GRIK5: variants seen among roughly 807,000 people sequenced by gnomAD.
GRIK5 encodes glutamate receptor ionotropic, kainate 5.
Under a neutral mutation model 97.4 loss-of-function variants are expected in GRIK5, and 43 were observed. The ratio of observed to expected loss-of-function variants is 0.44; its 90% CI spans 0.35 to 0.57. The LOEUF is 0.57. Ranked by LOEUF, GRIK5 falls within the 20% of genes least tolerant of loss-of-function variation. The pLI is 0.01. For missense variants in GRIK5, 1,015 were observed against 1,382.0 expected (o/e 0.73, Z 4.21); for synonymous variants, 580 against 583.5 (o/e 0.99, Z 0.09).
intron 12 of GRIK5, among the ~76,000 whole-genome samples, chr19:42,023,369 G>C (rs2075726831): frequency 6.6e-6 from 1 of 152,142 alleles, no homozygotes; most frequent in Non-Finnish European, 1.5e-5. Context: ...TGAGCATAGG[G>C]AGCTTCCATC....
chr19:42,023,549 T>A (rs1171129169), intron 12 of GRIK5, among the ~76,000 whole-genome samples: 2 of 152,150 alleles, frequency 1.3e-5, no homozygotes, highest in Admixed American at 1.3e-4. Context: ...CAATGGCCTT[T>A]CAGGTGGGCT....
At chr19:42,013,039 CAT>C (rs1400764539) in intron 15 of GRIK5, among the ~76,000 whole-genome samples, 1 of 151,982 alleles carries the variant, frequency 6.6e-6, no homozygotes, top group Non-Finnish European at 1.5e-5. Context: ...GAACAAAGAC[CAT>C]ATGATCAACA....
At chr19:42,033,186 C>T (rs973737251) in intron 12 of GRIK5, among the ~76,000 whole-genome samples, 20 of 152,036 alleles carry the variant, frequency 1.3e-4, no homozygotes, top group African/African-American at 4.3e-4. Context: ...GGTGTGGTGG[C>T]GTGTGCCCGT....
intron 15 of GRIK5, among the ~76,000 whole-genome samples, chr19:42,011,058 C>T (rs2075555308): frequency 6.6e-6 from 1 of 151,700 alleles, no homozygotes; most frequent in Non-Finnish European, 1.5e-5. Context: ...CCTCCAGCCT[C>T]GGCCTCCCAA....
At chr19:42,035,445 G>A (rs1287039603) in intron 12 of GRIK5, among the ~76,000 whole-genome samples, 2 of 152,050 alleles carry the variant, frequency 1.3e-5, no homozygotes, top group Admixed American at 6.6e-5. Flanking sequence ...GGTGGCTTAC[G>A]CCTTTAATCC....
chr19:41,999,280 A>G lies in GRIK5; in HGVS notation c.2534T>C (p.Met845Thr). ...ESEEVSVCQE[M>T]LQELRHAVSC... ...AACGGCGTGGCGCAGCTCCTGCAGC[A>G]TCTCCTGGCACACCGACACCTGGGG... The change falls in exon 20 of 20, where the codon ATG becomes ACG. Residue 845 changes from methionine (M) to threonine (T), a missense_variant. Met to Thr is a moderately conservative substitution (Grantham distance 81). This residue lies in a region of GRIK5 where 229 missense variants were observed against 341.0 expected (regional missense o/e 0.67). Transcript: ENST00000593562. This position sits in a 1 kb window ranked among gnomAD's most constrained non-coding sequence, Gnocchi z 5.0. 6.6e-7 allele frequency: 1 copy of G among 1,523,344 alleles called. No homozygotes were observed. Among genetic ancestry groups the G allele is most frequent in the Non-Finnish European group, 8.8e-7 (1 of 1,142,236 alleles). 94.4% of individuals were successfully genotyped at this position (1,523,344 alleles called of 1,614,324 possible).
rs1225212293 is a variant in GRIK5 at position 42,069,426 on chromosome 19, G to A, written c.-236C>T. On this transcript the variant is annotated 5_prime_UTR_variant, in exon 1 of 20. Transcript: ENST00000593562. ...GTGGCTCCACAGGAGCAGGGAGGAAGGACAGGTGGAAGAGGAGAGGGCGGG... is the reference window on the plus strand; with the variant it reads ...GTGGCTCCACAGGAGCAGGGAGGAAAGACAGGTGGAAGAGGAGAGGGCGGG... 2 of 151,526 alleles carry A rather than the reference G, an allele frequency of 1.3e-5. No individual in the cohort carries two copies. The highest frequency in any genetic ancestry group is 4.9e-5 in the African/African-American group (2 of 41,078). 9.4% of individuals were successfully genotyped at this position (151,526 alleles called of 1,614,324 possible).
At chr19:42,064,603 T>C (rs1347364607) in intron 3 of GRIK5, among the ~76,000 whole-genome samples, 2 of 152,186 alleles carry the variant, frequency 1.3e-5, no homozygotes, top group Non-Finnish European at 2.9e-5. Flanking sequence ...TACCCCATTC[T>C]TCCTCTTACT....
At chr19:42,012,944 A>G (rs1050595350) in intron 15 of GRIK5, among the ~76,000 whole-genome samples, 1 of 152,190 alleles carries the variant, frequency 6.6e-6, no homozygotes, top group Non-Finnish European at 1.5e-5. Flanking sequence ...CCATAAATAA[A>G]GTTTTATTGG....
chr19:42,014,046 A>T (rs1319758322), intron 15 of GRIK5, among the ~76,000 whole-genome samples: 1 of 151,366 alleles, frequency 6.6e-6, no homozygotes, highest in Non-Finnish European at 1.5e-5. Context: ...AAAAAAAAAA[A>T]TCACCTGTAC....
intron 12 of GRIK5, among the ~76,000 whole-genome samples, chr19:42,040,589 G>A (rs2075965622): frequency 1.3e-5 from 2 of 152,122 alleles, no homozygotes; most frequent in African/African-American, 4.8e-5. Flanking sequence ...TGGGTGTGGT[G>A]TCTCATACTT....
rs548235665 is a variant in GRIK5, at chr19:41,999,479, A to C, written c.2515-180T>G. On this transcript the variant is annotated intron_variant, in intron 19 of 19. Transcript: ENST00000593562. The surrounding 1 kb of genome is among the most constrained non-coding windows in gnomAD (Gnocchi z 5.0). Reference sequence around the variant, plus strand: ...CCCGTGTTTTCTGCCTCCCCTCTCCACCTCTCCCCACTTATCTTCAATGTC... The same window carrying C: ...CCCGTGTTTTCTGCCTCCCCTCTCCCCCTCTCCCCACTTATCTTCAATGTC... 6.9e-6 allele frequency among the ~76,000 whole-genome samples: 1 copy of C among 144,272 alleles called. No individual in the cohort carries two copies. Among genetic ancestry groups the C allele is most frequent in the Non-Finnish European group, 1.5e-5 (1 of 65,624 alleles). 94.6% of individuals were successfully genotyped at this position (144,272 alleles called of 152,430 possible).
rs993590543 is a variant in GRIK5 at position 42,063,978 on chromosome 19, C to T, written c.245-1123G>A. On this transcript the variant is annotated intron_variant, in intron 3 of 19. Transcript: ENST00000593562. Reference sequence around the variant, plus strand: ...TCTGGACCTTCCACACTGGTAAGGGCCCCACCATTCACACAGACCAGATGC... The same window carrying T: ...TCTGGACCTTCCACACTGGTAAGGGTCCCACCATTCACACAGACCAGATGC... 2.0e-5 allele frequency among the ~76,000 whole-genome samples: 3 copies of T among 152,206 alleles called. No homozygotes were observed. The East Asian group carries it at 5.8e-4, about 29-fold the overall frequency.
chr19:42,067,569 T>C (rs2076354225), intron 1 of GRIK5, among the ~76,000 whole-genome samples: 1 of 151,862 alleles, frequency 6.6e-6, no homozygotes, highest in Non-Finnish European at 1.5e-5. Flanking sequence ...GAGTGGGTCA[T>C]CCTGAGACAC....
At chr19:42,061,179 C>T (rs1316195007) in intron 5 of GRIK5, among the ~76,000 whole-genome samples, 1 of 152,214 alleles carries the variant, frequency 6.6e-6, no homozygotes, top group African/African-American at 2.4e-5. Context: ...TCCTGAGTAG[C>T]TGGCACTACA....
intron 1 of GRIK5, chr19:42,068,448 C>G (rs1016586347): frequency 2.2e-5 from 7 of 320,852 alleles, no homozygotes; most frequent in Non-Finnish European, 1.7e-5. Flanking sequence ...CAGGAAAAGT[C>G]AGCATGGACC....
In GRIK5 at chr19:42,002,568, A is replaced by G; in HGVS notation, c.2514+764T>C. 1 of 656,378 alleles carries G rather than the reference A, an allele frequency of 1.5e-6. No homozygotes were observed. Among genetic ancestry groups the G allele is most frequent in the African/African-American group, 1.8e-5 (1 of 55,726 alleles). 40.7% of individuals were successfully genotyped at this position (656,378 alleles called of 1,614,324 possible). On this transcript the variant is annotated intron_variant, in intron 19 of 19. Coordinates refer to ENST00000593562, the MANE Select transcript of GRIK5 (RefSeq NM_002088.5). The surrounding 1 kb of genome is among the most constrained non-coding windows in gnomAD (Gnocchi z 5.2). ...GGGTCTGGGGAGTAGATGTAAGGTC[A>G]GCCGCTGGATGTGAGGAGGGGGAGG...
At position 42,013,368 on chromosome 19, in the gene GRIK5, T is replaced by C. The variant is rs182595628; in HGVS notation, c.1872-6558A>G. Among the ~76,000 whole-genome samples the C allele has an allele frequency of 5.1e-4, 76 of 150,380 alleles. No homozygotes were observed. The East Asian group carries it at 0.014, about 27-fold the overall frequency. The stretch of plus-strand genomic sequence containing the variant: ...GTCTTTAAAAAAATAAAAATAAAGA[T>C]AAATATTTAAAAACATCTTTTTTTT... On this transcript the variant is annotated intron_variant, in intron 15 of 19. Coordinates refer to ENST00000593562, the MANE Select transcript of GRIK5 (RefSeq NM_002088.5).
intron 12 of GRIK5, among the ~76,000 whole-genome samples, chr19:42,029,224 T>C (rs1318220675): frequency 2.6e-5 from 4 of 151,692 alleles, no homozygotes; most frequent in Non-Finnish European, 5.9e-5. Context: ...TGTGCCACCA[T>C]GCCCAGCTAA....
Sources: gnomAD v4.1 joint callset for allele counts (sites outside exome capture counted in the v4.1 genomes callset) on GRCh38, gnomAD v4.1.1 for gene constraint, gnomAD v4.1.1 regional missense constraint, Gnocchi (gnomAD v3.1) non-coding constraint, MANE v1.5 for transcripts, NCBI Gene and HGNC (gene_info 2026-07-23, HGNC 2026-07-21) for gene names.